GALNT17: variants seen among roughly 807,000 people sequenced by gnomAD.
The protein encoded by GALNT17 is polypeptide N-acetylgalactosaminyltransferase 17.
In GALNT17, 29 loss-of-function variants were observed where a neutral mutation model predicts 63.7. That is an observed-to-expected ratio of 0.46 (90% confidence interval 0.34 to 0.62). GALNT17 has a LOEUF of 0.62. Ranked by LOEUF, GALNT17 falls within the 20% of genes least tolerant of loss-of-function variation. GALNT17 has a pLI of 0.01. For synonymous variants in GALNT17, 305 were observed against 318.3 expected, an observed-to-expected ratio of 0.96 and a Z score of 0.45; for missense variants, 603 against 799.6, an observed-to-expected ratio of 0.75 and a Z score of 2.97.
intron 1 of GALNT17, among the ~76,000 whole-genome samples, chr7:71,279,122 A>C (rs1156853033): frequency 6.6e-6 from 1 of 151,510 alleles, no homozygotes; most frequent in Non-Finnish European, 1.5e-5. Context: ...GATGGGTTTC[A>C]CCATGTTGGC....
At chr7:71,356,981 C>T (rs867380884) in intron 2 of GALNT17, among the ~76,000 whole-genome samples, 1 of 152,000 alleles carries the variant, frequency 6.6e-6, no homozygotes, top group Non-Finnish European at 1.5e-5. Flanking sequence ...AGGGTTTCAC[C>T]ACGTTGGTCA....
In GALNT17 at chr7:71,562,431, C is replaced by G. The variant is rs557998791; in HGVS notation, c.963-8854C>G. Among the ~76,000 whole-genome samples the G allele has an allele frequency of 2.9e-4, 44 of 152,322 alleles. No individual in the cohort carries two copies. In the Middle Eastern group the frequency reaches 0.01, roughly 35 times the overall value. On this transcript the variant is annotated intron_variant, in intron 5 of 10. Transcript: ENST00000333538. Reference sequence around the variant, plus strand: ...ATGAAATAGTTCTACAACTCACCATCATGTAGAATCAGTGGGAGCCCTGAG... The same window carrying G: ...ATGAAATAGTTCTACAACTCACCATGATGTAGAATCAGTGGGAGCCCTGAG...
At position 71,195,484 on chromosome 7, in the gene GALNT17, A is replaced by G. The variant is rs1203158057; in HGVS notation, c.238+62444A>G. Among the ~76,000 whole-genome samples, 5 of 151,528 alleles carry G rather than the reference A, an allele frequency of 3.3e-5. No homozygotes were observed. In the East Asian group the frequency reaches 9.8e-4, roughly 30 times the overall value. On this transcript the variant is annotated intron_variant, in intron 1 of 10. Coordinates refer to ENST00000333538, the MANE Select transcript of GALNT17 (RefSeq NM_022479.3). ...GCTGCCTCAGCCTCCTGGGCTCAGG[A>G]GATCCTCCTACCTGAGTCTCCTATA...
intron 5 of GALNT17, among the ~76,000 whole-genome samples, chr7:71,446,384 C>T (rs1468376334): frequency 6.6e-6 from 1 of 152,024 alleles, no homozygotes; most frequent in East Asian, 1.9e-4. Flanking sequence ...TAACCATAAC[C>T]AATGTTAATA....
intron 5 of GALNT17, among the ~76,000 whole-genome samples, chr7:71,498,331 G>C (rs1260537481): frequency 6.6e-6 from 1 of 151,976 alleles, no homozygotes; most frequent in South Asian, 2.1e-4. Context: ...ACAAAAATTA[G>C]CCGGGTCTGG....
In GALNT17 at chr7:71,132,636, C is replaced by T. The variant is rs891771053; in HGVS notation, c.-167C>T. The T allele has an allele frequency of 1.0e-5, 6 of 596,524 alleles. No individual in the cohort carries two copies. The highest frequency in any genetic ancestry group is 1.5e-5 in the Non-Finnish European group (5 of 344,476). The allele number at this position is 596,524 out of a possible 1,614,324, so 37.0% of individuals were successfully genotyped here. A position where few individuals can be genotyped will look rare whatever the true frequency, so the allele number is the denominator to read the frequency against. On this transcript the variant is annotated 5_prime_UTR_variant, in exon 1 of 11. Transcript: ENST00000333538. ...TCCGTTCTCCCCACCACCAATCCGACCTCCCAGCCGTCTCCGCCGCCCGAG... is the reference window on the plus strand; with the variant it reads ...TCCGTTCTCCCCACCACCAATCCGATCTCCCAGCCGTCTCCGCCGCCCGAG...
At chr7:71,687,659 G>T (rs1048686244) in intron 9 of GALNT17, among the ~76,000 whole-genome samples, 2 of 152,154 alleles carry the variant, frequency 1.3e-5, no homozygotes, top group African/African-American at 4.8e-5. Flanking sequence ...CACCATGGGG[G>T]TCAAATCAGG....
intron 5 of GALNT17, among the ~76,000 whole-genome samples, chr7:71,553,656 A>T (rs1244474553): frequency 6.6e-6 from 1 of 152,230 alleles, no homozygotes; most frequent in Non-Finnish European, 1.5e-5. Context: ...GTTGCAAGTC[A>T]GATGTAAGAA....
chr7:71,589,764 A>G (rs1450788519), intron 6 of GALNT17, among the ~76,000 whole-genome samples: 1 of 152,236 alleles, frequency 6.6e-6, no homozygotes, highest in Admixed American at 6.5e-5. Context: ...AAGGTCTTAC[A>G]GCTAATAAAT....
chr7:71,209,674 T>G (rs577819662), intron 1 of GALNT17, among the ~76,000 whole-genome samples: 3 of 152,190 alleles, frequency 2.0e-5, no homozygotes, highest in Middle Eastern at 3.4e-3. Flanking sequence ...TTTTCTATTT[T>G]TTGTAGAGTC....
intron 5 of GALNT17, among the ~76,000 whole-genome samples, chr7:71,479,693 G>A (rs1300777144): frequency 6.6e-6 from 1 of 152,068 alleles, no homozygotes; most frequent in Non-Finnish European, 1.5e-5. Flanking sequence ...TGCAAAGATG[G>A]CATCAAGCTC....
intron 1 of GALNT17, among the ~76,000 whole-genome samples, chr7:71,211,203 G>C (rs1264575741): frequency 6.6e-6 from 1 of 151,462 alleles, no homozygotes; most frequent in Non-Finnish European, 1.5e-5. Context: ...TGTTGTGGGA[G>C]GGACCCAGGG....
At chr7:71,195,828 C>G (rs1053871575) in intron 1 of GALNT17, among the ~76,000 whole-genome samples, 1 of 152,154 alleles carries the variant, frequency 6.6e-6, no homozygotes, top group Non-Finnish European at 1.5e-5. Context: ...GGGTTACAGG[C>G]ACCCAGCCGA....
chr7:71,706,940 G>A (rs531071031), intron 9 of GALNT17, among the ~76,000 whole-genome samples: 112 of 152,296 alleles, frequency 7.4e-4, no homozygotes, highest in Middle Eastern at 3.4e-3. Flanking sequence ...CAATCTGGGA[G>A]GGGGCTCTTC....
intron 5 of GALNT17, among the ~76,000 whole-genome samples, chr7:71,458,416 G>A (rs913430894): frequency 6.6e-6 from 1 of 152,192 alleles, no homozygotes; most frequent in African/African-American, 2.4e-5. Flanking sequence ...CCCCACGGTA[G>A]CATCTAAGAT....
At chr7:71,177,868 C>CTA (rs1292825754) in intron 1 of GALNT17, among the ~76,000 whole-genome samples, 2 of 152,122 alleles carry the variant, frequency 1.3e-5, no homozygotes, top group Non-Finnish European at 2.9e-5. Flanking sequence ...AATCTAGAGA[C>CTA]TATAATCTAT....
At chr7:71,335,997 TCTTCTTCTTC>T (rs1281902733) in intron 2 of GALNT17, among the ~76,000 whole-genome samples, 4 of 82,792 alleles carry the variant, frequency 4.8e-5, no homozygotes, top group East Asian at 2.8e-4. Context: ...TTCTTCTTCT[TCTTCTTCTTC>T]CTTCTTCTTC....
At chr7:71,710,407 C>G (rs573656460) in intron 9 of GALNT17, among the ~76,000 whole-genome samples, 1 of 152,254 alleles carries the variant, frequency 6.6e-6, no homozygotes, top group East Asian at 1.9e-4. Flanking sequence ...ACTCAGGAGG[C>G]TGAGGCAAGA....
chr7:71,205,448 G>A (rs1016964869), intron 1 of GALNT17, among the ~76,000 whole-genome samples: 4 of 151,942 alleles, frequency 2.6e-5, no homozygotes, highest in African/African-American at 9.7e-5. Flanking sequence ...CACCGTGCCC[G>A]GCCACTTTTT....
Sources: gnomAD v4.1 joint callset for allele counts (sites outside exome capture counted in the v4.1 genomes callset) on GRCh38, gnomAD v4.1.1 for gene constraint, MANE v1.5 for transcripts, NCBI Gene and HGNC (gene_info 2026-07-23, HGNC 2026-07-21) for gene names.